Variants in HSD17B12 observed in about 807,000 individuals in gnomAD.
The protein encoded by HSD17B12 is very-long-chain 3-oxoacyl-CoA reductase.
A neutral mutation model predicts 39.3 loss-of-function variants in HSD17B12; 32 were observed. The observed-to-expected ratio is 0.81, with a 90% CI of 0.61 to 1.09. The LOEUF (loss-of-function observed/expected upper bound fraction) is 1.09. Among genes scored for constraint, HSD17B12 ranks in the 50% least tolerant of loss-of-function variants. The pLI is 0.00. For synonymous variants in HSD17B12, 150 were observed against 146.7 expected, an observed-to-expected ratio of 1.02 and a Z score of -0.16; for missense variants, 342 against 382.9, an observed-to-expected ratio of 0.89 and a Z score of 0.89.
the HSD17B12 span, among the ~76,000 whole-genome samples, chr11:43,627,567 TA>T: frequency 6.6e-6 from 1 of 151,974 alleles, no homozygotes; most frequent in Admixed American, 6.6e-5. Context: ...GCTTAAAAAT[TA>T]AATTGTTTTT....
intron 1 of HSD17B12, among the ~76,000 whole-genome samples, chr11:43,691,549 A>G (rs975527554): frequency 3.3e-5 from 5 of 152,092 alleles, no homozygotes; most frequent in Non-Finnish European, 5.9e-5. Flanking sequence ...ACCTTCCTCT[A>G]TGTTCTCCTA....
intron 3 of HSD17B12, among the ~76,000 whole-genome samples, chr11:43,767,214 AAAC>A (rs1950603709): frequency 6.6e-6 from 1 of 151,976 alleles, no homozygotes; most frequent in Non-Finnish European, 1.5e-5. Flanking sequence ...TAAAAAAAAA[AAAC>A]ACTTTTTTTG....
At chr11:43,619,261 T>TTTA in the HSD17B12 span, among the ~76,000 whole-genome samples, 1 of 80,794 alleles carries the variant, frequency 1.2e-5, no homozygotes, top group African/African-American at 4.0e-5. Flanking sequence ...TATATATATT[T>TTTA]TATATATATA....
At chr11:43,819,764 A>C (rs1033219938) in intron 6 of HSD17B12, among the ~76,000 whole-genome samples, 1 of 152,150 alleles carries the variant, frequency 6.6e-6, no homozygotes, top group Admixed American at 6.5e-5. Context: ...CTGGATATCT[A>C]CTTACAATTT....
intron 1 of HSD17B12, among the ~76,000 whole-genome samples, chr11:43,729,739 T>C (rs1950251774): frequency 6.6e-6 from 1 of 152,220 alleles, no homozygotes; most frequent in South Asian, 2.1e-4. Flanking sequence ...AAGGGTAGCT[T>C]ATCTAAGAAG....
chr11:43,709,807 C>T (rs2134831877), intron 1 of HSD17B12, among the ~76,000 whole-genome samples: 1 of 152,292 alleles, frequency 6.6e-6, no homozygotes, highest in South Asian at 2.1e-4. Context: ...AGAGAGTTGA[C>T]CTGACCTCTG....
chr11:43,683,104 G>GTT lies in HSD17B12; in HGVS notation c.160+2131_160+2132dup, dbSNP rs145842097. Among the ~76,000 whole-genome samples, 36 of 140,638 alleles carry GTT rather than the reference G, an allele frequency of 2.6e-4. 1 individual carries two copies. In the South Asian group the frequency reaches 2.7e-3, roughly 11 times the overall value. The allele number at this position is 140,638 out of a possible 152,430, so 92.3% of individuals were successfully genotyped here. On this transcript the variant is annotated intron_variant, in intron 1 of 10. Transcript: ENST00000278353. Reference sequence around the variant, plus strand: ...ACCATGCCTGGATGTGTTTTTTTTTGTTTTTTTTTTTTTTTCTCTTTAAAA... The same window carrying GTT: ...ACCATGCCTGGATGTGTTTTTTTTTGTTTTTTTTTTTTTTTTTCTCTTTAAAA...
Position 43,738,290 on chromosome 11 carries a change from G to A in HSD17B12, c.161-12621G>A, listed in dbSNP as rs1228804730. Among the ~76,000 whole-genome samples the A allele has an allele frequency of 2.0e-5, 3 of 151,976 alleles. No individual in the cohort carries two copies. In the East Asian group the frequency reaches 5.8e-4, roughly 29 times the overall value. ...GTTACAGAGGTAAACATGTGCTATG[G>A]TGGTTTGCTGCACAGGTCATCTCAT... On this transcript the variant is annotated intron_variant, in intron 1 of 10. Transcript: ENST00000278353.
At chr11:43,651,858 A>G in the HSD17B12 span, among the ~76,000 whole-genome samples, 1 of 152,222 alleles carries the variant, frequency 6.6e-6, no homozygotes, top group African/African-American at 2.4e-5. Flanking sequence ...GATTACAGGC[A>G]TGAGCTACTG....
At chr11:43,746,795 T>G (rs1363910960) in intron 1 of HSD17B12, among the ~76,000 whole-genome samples, 1 of 152,216 alleles carries the variant, frequency 6.6e-6, no homozygotes, top group Non-Finnish European at 1.5e-5. Context: ...AAACACGTGA[T>G]TAATGCATTA....
chr11:43,573,656 A>G, the HSD17B12 span, among the ~76,000 whole-genome samples: 10 of 152,200 alleles, frequency 6.6e-5, no homozygotes, highest in African/African-American at 2.2e-4. Flanking sequence ...ATCAGACACA[A>G]TAACACTCAG....
At chr11:43,760,695 A>T (rs1178243367) in intron 3 of HSD17B12, among the ~76,000 whole-genome samples, 2 of 152,212 alleles carry the variant, frequency 1.3e-5, no homozygotes, top group African/African-American at 4.8e-5. Context: ...TGCAGTAATA[A>T]TACCATTAAT....
At chr11:43,810,403 A>ATATATATATATATATATATATATATATAT (rs1565097561) in intron 4 of HSD17B12, among the ~76,000 whole-genome samples, 1 of 71,972 alleles carries the variant, frequency 1.4e-5, no homozygotes, top group African/African-American at 5.9e-5. Flanking sequence ...ATATATATAT[A>ATATATATATATATATATATATATATATAT]AAATTCAGAA....
intron 8 of HSD17B12, 97 bp from the exon 9 acceptor site, chr11:43,839,902 C>A: frequency 1.0e-6 from 1 of 964,254 alleles, no homozygotes; most frequent in Non-Finnish European, 1.6e-6. Context: ...GAAATTATAG[C>A]ATTAAATGAT....
chr11:43,567,325 C>T, the HSD17B12 span, among the ~76,000 whole-genome samples: 1 of 152,146 alleles, frequency 6.6e-6, no homozygotes, highest in Non-Finnish European at 1.5e-5. Context: ...CCATAAGAAC[C>T]ATCCATTCTA....
At chr11:43,644,912 G>T in the HSD17B12 span, 1 of 152,190 alleles carries the variant, frequency 6.6e-6, no homozygotes. Flanking sequence ...TAAATCTTGG[G>T]AGCTTTGCAA....
chr11:43,666,710 T>C, the HSD17B12 span, among the ~76,000 whole-genome samples: 452 of 152,346 alleles, frequency 3.0e-3, 2 homozygotes, highest in African/African-American at 0.01. Context: ...AGAAGGAGGC[T>C]AGAGACAGGA....
chr11:43,698,851 G>A (rs940473891), intron 1 of HSD17B12, among the ~76,000 whole-genome samples: 29 of 152,104 alleles, frequency 1.9e-4, no homozygotes, highest in Non-Finnish European at 3.8e-4. Context: ...GATTTATTTT[G>A]GGGTCTGTTG....
the HSD17B12 span, among the ~76,000 whole-genome samples, chr11:43,641,226 GT>G: frequency 4.1e-5 from 1 of 24,516 alleles, no homozygotes; most frequent in Non-Finnish European, 3.3e-4. Flanking sequence ...AGATTAATTT[GT>G]TGGGGAAAAA....
Sources: gnomAD v4.1 joint callset for allele counts (sites outside exome capture counted in the v4.1 genomes callset) on GRCh38, gnomAD v4.1.1 for gene constraint, MANE v1.5 for transcripts, NCBI Gene and HGNC (gene_info 2026-07-23, HGNC 2026-07-21) for gene names.